CYLC2: variants seen among roughly 807,000 people sequenced by gnomAD.
CYLC2 encodes cylicin-2.
CYLC2 carries 30 observed loss-of-function variants against 26.1 expected under a neutral mutation model. The observed-to-expected ratio is 1.15, with a 90% CI of 0.86 to 1.56. The LOEUF is 1.56. Ranked by LOEUF, CYLC2 falls within the 40% of genes most tolerant of loss-of-function variation. The probability of loss-of-function intolerance (pLI) is 0.00; values close to 1 mark genes in which losing one functional copy is unlikely to be tolerated. For synonymous variants in CYLC2, 158 were observed against 132.8 expected (o/e 1.19, Z -1.31); for missense variants, 498 against 394.4 (o/e 1.26, Z -2.23).
chr9:102,999,265 T>C (rs545151757), intron 1 of CYLC2, among the ~76,000 whole-genome samples: 18 of 152,046 alleles, frequency 1.2e-4, no homozygotes, highest in African/African-American at 4.3e-4. Flanking sequence ...TGCTGGTATA[T>C]AGAAATATAC....
chr9:102,995,484 T>C, intron 1 of CYLC2, 87 bp downstream of exon 1: 1 of 939,604 alleles, frequency 1.1e-6, no homozygotes. Flanking sequence ...ATTTATTATA[T>C]TATTATGATG....
intron 2 of CYLC2, 108 bp downstream of exon 2, chr9:103,001,726 ATAAT>A: frequency 3.0e-6 from 2 of 677,186 alleles, no homozygotes; most frequent in Non-Finnish European, 5.0e-6. Flanking sequence ...AATAAAATTG[ATAAT>A]TAACTATTTC....
At chr9:103,013,944 T>C (rs1232147263) in intron 6 of CYLC2, among the ~76,000 whole-genome samples, 6 of 115,266 alleles carry the variant, frequency 5.2e-5, no homozygotes, top group Non-Finnish European at 3.2e-5. Context: ...TTATTTAATA[T>C]AATACTATAT....
chr9:103,009,287 C>T (rs1314410000), intron 5 of CYLC2, among the ~76,000 whole-genome samples: 1 of 152,096 alleles, frequency 6.6e-6, no homozygotes, highest in Non-Finnish European at 1.5e-5. Flanking sequence ...TCACTGCAGC[C>T]TCAACCTCCC....
chr9:102,995,870 T>C (rs1219023106), intron 1 of CYLC2, among the ~76,000 whole-genome samples: 1 of 151,868 alleles, frequency 6.6e-6, no homozygotes, highest in East Asian at 1.9e-4. Flanking sequence ...AACTGAATAC[T>C]AGTGGTATCC....
rs183289094 is a variant in CYLC2 at position 103,015,000 on chromosome 9, T to A, written c.*817-1888T>A. 3.6e-3 allele frequency among the ~76,000 whole-genome samples: 454 copies of A among 127,884 alleles called. 3 individuals are homozygous for A. Among genetic ancestry groups the A allele is most frequent in the African/African-American group, 0.012 (417 of 35,856 alleles). 83.9% of individuals were successfully genotyped at this position (127,884 alleles called of 152,430 possible). On this transcript the variant is annotated intron_variant, in intron 6 of 7. Transcript: ENST00000374798. ...GTATACATAATACATGTAATATACA[T>A]ATTATGTATATTATGTAGTATACAT...
At position 103,005,016 on chromosome 9, in the gene CYLC2, G is replaced by T. The variant is rs762306424; in HGVS notation, c.385G>T (p.Asp129Tyr). The change falls in exon 5 of 8, where the codon GAT (aspartate) becomes TAT (tyrosine). Residue 129 changes from aspartate to tyrosine, a missense_variant. Physicochemically the swap from Asp to Tyr is radical, Grantham distance 160. Transcript: ENST00000374798. ...EDKTTQKDTT[D>Y]SESELKQGKK... ...CAAGACAACACAGAAGGACACAACAGATTCGGAATCAGAATTAAAACAAGG... is the reference window on the plus strand; with the variant it reads ...CAAGACAACACAGAAGGACACAACATATTCGGAATCAGAATTAAAACAAGG... 2.5e-6 allele frequency: 4 copies of T among 1,593,822 alleles called. No homozygotes were observed. The highest frequency in any genetic ancestry group is 3.4e-6 in the Non-Finnish European group (4 of 1,175,300).
At chr9:103,009,506 G>A in intron 5 of CYLC2, among the ~76,000 whole-genome samples, 1 of 152,034 alleles carries the variant, frequency 6.6e-6, no homozygotes, top group East Asian at 1.9e-4. Flanking sequence ...GAGACTAGAT[G>A]TTAATAATTA....
chr9:102,998,032 C>T (rs985494898), intron 1 of CYLC2, among the ~76,000 whole-genome samples: 1 of 151,788 alleles, frequency 6.6e-6, no homozygotes, highest in African/African-American at 2.4e-5. Flanking sequence ...ACATTGTTGA[C>T]AATGGGAAAC....
intron 1 of CYLC2, among the ~76,000 whole-genome samples, chr9:102,996,691 G>A (rs1236141720): frequency 3.3e-5 from 5 of 151,922 alleles, no homozygotes; most frequent in Non-Finnish European, 7.4e-5. Flanking sequence ...TTCTTCTAAG[G>A]ATGGCAGAGC....
chr9:103,003,071 A>T, intron 2 of CYLC2, 71 bp from the exon 3 acceptor site: 1 of 1,573,040 alleles, frequency 6.4e-7, no homozygotes, highest in Non-Finnish European at 8.7e-7. Flanking sequence ...TATACGTTGC[A>T]CGTAATGCCA....
chr9:103,006,444 C>G (rs1829351875), intron 5 of CYLC2, 66 bp downstream of exon 5: 1 of 150,146 alleles, frequency 6.7e-6, no homozygotes. Flanking sequence ...GATGGAGTCT[C>G]TCTCTGTCGC....
intron 6 of CYLC2, among the ~76,000 whole-genome samples, chr9:103,013,820 ATATG>A (rs1829450032): frequency 1.1e-5 from 1 of 95,208 alleles, no homozygotes; most frequent in African/African-American, 4.0e-5. Context: ...TATGTATATA[ATATG>A]TATATAATAT....
chr9:103,008,982 GCTGA>G (rs778801193), intron 5 of CYLC2, among the ~76,000 whole-genome samples: 4 of 152,066 alleles, frequency 2.6e-5, no homozygotes, highest in South Asian at 2.1e-4. Context: ...TGATCTGTGT[GCTGA>G]CTATTTCCCT....
rs529058262 is a variant in CYLC2, at chr9:103,003,077, T to C, written c.59-65T>C. 3.1e-6 allele frequency: 5 copies of C among 1,587,510 alleles called. No individual in the cohort carries two copies. The East Asian group carries it at 6.8e-5, about 21-fold the overall frequency. The stretch of plus-strand genomic sequence containing the variant: ...TTTACATGATATACGTTGCACGTAA[T>C]GCCATTTCAGCTCTGATGGAATTCT... On this transcript the variant is annotated intron_variant, in intron 2 of 7. Transcript: ENST00000374798.
chr9:103,014,506 T>TATTAC (rs1829467838), intron 6 of CYLC2, among the ~76,000 whole-genome samples: 4 of 141,534 alleles, frequency 2.8e-5, no homozygotes, highest in Admixed American at 7.3e-5. Context: ...ACATAATATA[T>TATTAC]GTAATATACA....
chr9:103,017,583 C>G (rs1829520631), intron 7 of CYLC2, among the ~76,000 whole-genome samples: 1 of 152,024 alleles, frequency 6.6e-6, no homozygotes, highest in Non-Finnish European at 1.5e-5. Context: ...TACATGTTAA[C>G]ATATTCACAA....
Position 103,005,499 on chromosome 9 carries a change from A to C in CYLC2, c.868A>C (p.Lys290Gln), listed in dbSNP as rs761982928. The change falls in exon 5 of 8, where the codon AAA becomes CAA. Residue 290 changes from lysine (K) to glutamine (Q), a missense_variant. Lys to Gln is a moderately conservative substitution (Grantham distance 53). Transcript: ENST00000374798. ...TDSDSKDDVK[K>Q]ESKKDATKDA... ...CAGTGACTCAAAGGATGATGTCAAG[A>C]AAGAGTCTAAGAAGGACGCCACGAA... 1 of 1,613,598 alleles carries C rather than the reference A, an allele frequency of 6.2e-7. No homozygotes were observed. Among genetic ancestry groups the C allele is most frequent in the South Asian group, 1.1e-5 (1 of 91,006 alleles).
At chr9:103,014,168 T>C (rs1349821574) in intron 6 of CYLC2, among the ~76,000 whole-genome samples, 1 of 121,620 alleles carries the variant, frequency 8.2e-6, no homozygotes, top group South Asian at 2.5e-4. Flanking sequence ...ATAATATGAA[T>C]ATTATATATC....
Sources: gnomAD v4.1 joint callset for allele counts (sites outside exome capture counted in the v4.1 genomes callset) on GRCh38, gnomAD v4.1.1 for gene constraint, MANE v1.5 for transcripts, NCBI Gene and HGNC (gene_info 2026-07-23, HGNC 2026-07-21) for gene names.